Variants in GGNBP2 observed in about 807,000 individuals in gnomAD.
GGNBP2 encodes the protein gametogenetin binding protein 2, also known as gametogenetin-binding protein 2.
In GGNBP2, 10 loss-of-function variants were observed where a neutral mutation model predicts 85.9. That is an observed-to-expected ratio of 0.12 (90% CI 0.07 to 0.20). GGNBP2 has a LOEUF of 0.20. Ranked by LOEUF, GGNBP2 falls within the 10% of genes least tolerant of loss-of-function variation. The probability of loss-of-function intolerance (pLI) is 1.00; values close to 1 mark genes in which losing one functional copy is unlikely to be tolerated. For synonymous variants in GGNBP2, 287 were observed against 285.7 expected (o/e 1.00, Z -0.05); for missense variants, 595 against 857.8 (o/e 0.69, Z 3.83).
chr17:36,568,780 G>C (rs1288755182), intron 6 of GGNBP2, among the ~76,000 whole-genome samples: 1 of 148,972 alleles, frequency 6.7e-6, no homozygotes, highest in Non-Finnish European at 1.5e-5. Flanking sequence ...TTTTTGAGAC[G>C]AAGTCTCGCT....
intron 6 of GGNBP2, among the ~76,000 whole-genome samples, chr17:36,570,657 C>T (rs1246443137): frequency 6.6e-6 from 1 of 151,668 alleles, no homozygotes; most frequent in Non-Finnish European, 1.5e-5. Context: ...AAACTGAGAT[C>T]GCGCCATTGC....
chr17:36,574,730 A>C, intron 6 of GGNBP2: 1 of 630,952 alleles, frequency 1.6e-6, no homozygotes, highest in East Asian at 2.7e-5. Context: ...CACTGAGACG[A>C]TGCCAGTGCC....
chr17:36,565,436 AT>A (rs567450384), intron 5 of GGNBP2, among the ~76,000 whole-genome samples: 8 of 151,984 alleles, frequency 5.3e-5, no homozygotes, highest in Admixed American at 2.6e-4. Context: ...TGAGATACAG[AT>A]TTTTTTTATA....
chr17:36,585,278 C>T (rs766818195), intron 9 of GGNBP2, 22 bp from the exon 10 acceptor site: 1 of 1,605,098 alleles, frequency 6.2e-7, no homozygotes, highest in East Asian at 2.2e-5. Context: ...TCTTGACTCT[C>T]TCTTAATGTT....
chr17:36,579,438 TC>T lies in GGNBP2; in HGVS notation c.1020+21del. ...TTTTGAGGTAAGAACAGTGGGCTGT[TC>T]CAGTATCTCAGATTGCTTAGTCACG... On this transcript the variant is annotated intron_variant, in intron 8 of 13. Coordinates refer to ENST00000613102, the MANE Select transcript of GGNBP2 (RefSeq NM_024835.5). 1 of 1,610,400 alleles carries T rather than the reference TC, an allele frequency of 6.2e-7. No individual in the cohort carries two copies. Among genetic ancestry groups the T allele is most frequent in the Admixed American group, 1.7e-5 (1 of 59,888 alleles).
Position 36,586,624 on chromosome 17 carries a change from T to C in GGNBP2, c.1642-373T>C, listed in dbSNP as rs531135207. On this transcript the variant is annotated intron_variant, in intron 12 of 13. Transcript: ENST00000613102. ...TTCCTTCTAAAGGTTTAATACTATG[T>C]CAGGATTTTTTTGAGATGGAGTCTC... The C allele has an allele frequency of 2.0e-5, 5 of 254,338 alleles. No homozygotes were observed. In the South Asian group the frequency reaches 2.8e-4, roughly 14 times the overall value. 15.8% of individuals were successfully genotyped at this position (254,338 alleles called of 1,614,324 possible).
intron 2 of GGNBP2, among the ~76,000 whole-genome samples, chr17:36,548,832 T>TA (rs1239558801): frequency 6.7e-6 from 1 of 150,244 alleles, no homozygotes; most frequent in Non-Finnish European, 1.5e-5. Flanking sequence ...TAGACCCAGC[T>TA]ACTGATGAGA....
intron 4 of GGNBP2, among the ~76,000 whole-genome samples, chr17:36,559,294 C>A (rs1052865591): frequency 1.0e-5 from 1 of 99,770 alleles, no homozygotes; most frequent in Admixed American, 1.3e-4. Context: ...GAGACTCTGT[C>A]TCAAAAAAAA....
intron 8 of GGNBP2, among the ~76,000 whole-genome samples, 165 bp from the exon 9 acceptor site, chr17:36,581,179 G>A (rs1380519150): frequency 1.3e-5 from 2 of 151,294 alleles, no homozygotes; most frequent in Non-Finnish European, 2.9e-5. Flanking sequence ...CAGCTACTTA[G>A]GAGGCTGAGG....
At chr17:36,558,119 A>C (rs967222120) in intron 4 of GGNBP2, among the ~76,000 whole-genome samples, 11 of 151,254 alleles carry the variant, frequency 7.3e-5, no homozygotes, top group Admixed American at 6.6e-5. Flanking sequence ...TTCAAAAAGA[A>C]AAAAAGAAGA....
intron 3 of GGNBP2, among the ~76,000 whole-genome samples, chr17:36,556,692 G>C (rs1408449376): frequency 1.4e-5 from 2 of 144,500 alleles, no homozygotes; most frequent in East Asian, 4.3e-4. Context: ...GAGAGAGCAA[G>C]ATGCCGTCTC....
chr17:36,577,857 G>T, intron 6 of GGNBP2, 126 bp from the exon 7 acceptor site: 1 of 733,420 alleles, frequency 1.4e-6, no homozygotes, highest in Non-Finnish European at 2.4e-6. Context: ...TGTTTTAAAT[G>T]TGTGTATGGA....
intron 2 of GGNBP2, among the ~76,000 whole-genome samples, chr17:36,550,157 C>T (rs914141811): frequency 2.0e-5 from 3 of 151,886 alleles, no homozygotes; most frequent in East Asian, 1.9e-4. Context: ...AGGCTGGTCT[C>T]GAACTCCTGA....
At chr17:36,567,866 T>C (rs753395877) in intron 6 of GGNBP2, 90 bp downstream of exon 6, 27 of 633,130 alleles carry the variant, frequency 4.3e-5, no homozygotes, top group Non-Finnish European at 7.4e-5. Context: ...CTTTGTATAA[T>C]AGCATTCTAG....
Position 36,581,527 on chromosome 17 carries a change from A to G in GGNBP2, c.1204A>G (p.Ser402Gly). The G allele has an allele frequency of 6.2e-7, 1 of 1,604,318 alleles. No individual in the cohort carries two copies. Among genetic ancestry groups the G allele is most frequent in the Middle Eastern group, 1.7e-4 (1 of 6,012 alleles). ...ACAAACAGCAGATGAAAAGGAAGTAAGCCAAGAGAAGGTAATATTTCTTAA... is the reference window on the plus strand; with the variant it reads ...ACAAACAGCAGATGAAAAGGAAGTAGGCCAAGAGAAGGTAATATTTCTTAA... ...PLQTADEKEV[S>G]QEKETDFIEN... The change falls in exon 9 of 14, where the codon AGC (serine) becomes GGC (glycine). Residue 402 changes from serine to glycine, a missense_variant. By Grantham distance (56) the Ser-to-Gly change is moderately conservative. This residue lies in a region of GGNBP2 where 85 missense variants were observed against 92.6 expected (regional missense o/e 0.92). Transcript: ENST00000613102.
chr17:36,563,126 C>T (rs1032587748), intron 5 of GGNBP2, among the ~76,000 whole-genome samples: 4 of 151,736 alleles, frequency 2.6e-5, no homozygotes, highest in Non-Finnish European at 5.9e-5. Flanking sequence ...ATTAGCCAGG[C>T]GTGGTGGCAG....
At chr17:36,570,615 G>C (rs143719731) in intron 6 of GGNBP2, among the ~76,000 whole-genome samples, 268 of 152,250 alleles carry the variant, frequency 1.8e-3, no homozygotes, top group African/African-American at 6.3e-3. Context: ...CAGGAGAATC[G>C]CTTGAACCCA....
At chr17:36,545,249 G>C (rs1015936981) in intron 1 of GGNBP2, among the ~76,000 whole-genome samples, 152 bp downstream of exon 1, 4 of 152,142 alleles carry the variant, frequency 2.6e-5, no homozygotes, top group African/African-American at 9.7e-5. Flanking sequence ...GGGTCAGTTG[G>C]GGGCAGAGGG....
intron 6 of GGNBP2, among the ~76,000 whole-genome samples, chr17:36,570,412 A>AT (rs1463839735): frequency 5.3e-5 from 8 of 152,280 alleles, no homozygotes; most frequent in Middle Eastern, 6.8e-3. Flanking sequence ...TTAAAATAAA[A>AT]TTAGCAGCTG....
Sources: gnomAD v4.1 joint callset for allele counts (sites outside exome capture counted in the v4.1 genomes callset) on GRCh38, gnomAD v4.1.1 for gene constraint, gnomAD v4.1.1 regional missense constraint, MANE v1.5 for transcripts, NCBI Gene and HGNC (gene_info 2026-07-23, HGNC 2026-07-21) for gene names.